GRIP1: variants seen among roughly 807,000 people sequenced by gnomAD.
The protein encoded by GRIP1 is glutamate receptor interacting protein 1.
In GRIP1, 45 loss-of-function variants were observed where a neutral mutation model predicts 129.9. That is an observed-to-expected ratio of 0.35 (90% confidence interval 0.27 to 0.44). GRIP1 has a LOEUF of 0.44. Among genes scored for constraint, GRIP1 ranks in the 20% least tolerant of loss-of-function variants. The pLI is 1.00. For missense variants in GRIP1, 1,196 were observed against 1,396.8 expected (o/e 0.86, Z 2.29); for synonymous variants, 530 against 520.8 (o/e 1.02, Z -0.24).
chr12:66,474,627 C>A (rs953549833), intron 7 of GRIP1, among the ~76,000 whole-genome samples: 1 of 152,206 alleles, frequency 6.6e-6, no homozygotes, highest in African/African-American at 2.4e-5. Context: ...AACAGCTGAT[C>A]TCTTGGCAGA....
intron 5 of GRIP1, among the ~76,000 whole-genome samples, chr12:66,521,666 G>C (rs931435221): frequency 1.1e-4 from 17 of 152,192 alleles, no homozygotes; most frequent in Non-Finnish European, 1.9e-4. Context: ...AGGACAGTGG[G>C]TGCAGCGCAC....
chr12:66,735,358 T>G (rs6421223), intron 1 of GRIP1, among the ~76,000 whole-genome samples: 102,151 of 152,042 alleles, frequency 0.67, 34,692 homozygotes, highest in East Asian at 0.78. Flanking sequence ...GACTGCAAGA[T>G]AAAGAGTAAT....
At chr12:66,718,753 G>A (rs1254594924) in intron 1 of GRIP1, among the ~76,000 whole-genome samples, 1 of 152,178 alleles carries the variant, frequency 6.6e-6, no homozygotes, top group Non-Finnish European at 1.5e-5. Flanking sequence ...TCTGGAGGCT[G>A]AGGCAGGAGA....
In GRIP1 at chr12:66,436,361, A is replaced by G. The variant is rs118043423; in HGVS notation, c.1688-3733T>C. Among the ~76,000 whole-genome samples the G allele has an allele frequency of 9.7e-4, 148 of 152,250 alleles. 1 individual carries two copies. In the East Asian group the frequency reaches 0.025, roughly 26 times the overall value. ...ATGATGGCAAACATTATTTGATAGG[A>G]TTCTCACCGAGACTTCTTTCCAGAA... On this transcript the variant is annotated intron_variant, in intron 13 of 24. Coordinates refer to ENST00000359742, the MANE Select transcript of GRIP1 (RefSeq NM_001366722.1).
At chr12:66,938,328 T>C (rs2041521436) in intron 1 of GRIP1, among the ~76,000 whole-genome samples, 1 of 152,074 alleles carries the variant, frequency 6.6e-6, no homozygotes, top group South Asian at 2.1e-4. Context: ...TGAGACGAGA[T>C]CATGCCACGG....
Position 66,444,696 on chromosome 12 carries a change from C to T in GRIP1, c.1575G>A (p.Met525Ile). The change falls in exon 13 of 25, where the codon ATG becomes ATA. Residue 525 changes from methionine (M) to isoleucine (I), a missense_variant. Around this residue, in one of 5 missense-constraint regions of GRIP1, gnomAD observed 508 missense variants for 587.0 expected, o/e 0.87. Coordinates refer to ENST00000359742, the MANE Select transcript of GRIP1 (RefSeq NM_001366722.1). Reference protein sequence around the residue: ...CGVLQIGDRVMAINGIPTEDS... With the variant: ...CGVLQIGDRVIAINGIPTEDS... ...CTTCTGTTGGAATTCCATTGATGGC[C>T]ATCACTCTGTCTCCAATCTGTAGCA... The T allele has an allele frequency of 6.2e-7, 1 of 1,613,992 alleles. No homozygotes were observed. The highest frequency in any genetic ancestry group is 8.5e-7 in the Non-Finnish European group (1 of 1,179,918).
intron 1 of GRIP1, among the ~76,000 whole-genome samples, chr12:66,911,290 C>G (rs1240085669): frequency 6.6e-6 from 1 of 152,170 alleles, no homozygotes; most frequent in African/African-American, 2.4e-5. Flanking sequence ...GCTTTTAACA[C>G]TTATAACTCT....
chr12:66,980,120 G>A (rs1258645129), intron 1 of GRIP1, among the ~76,000 whole-genome samples: 1 of 152,110 alleles, frequency 6.6e-6, no homozygotes, highest in African/African-American at 2.4e-5. Flanking sequence ...CTGGTACCAC[G>A]CACTAAGTCT....
chr12:66,792,899 T>C (rs2038585851), intron 1 of GRIP1, among the ~76,000 whole-genome samples: 1 of 152,108 alleles, frequency 6.6e-6, no homozygotes, highest in Non-Finnish European at 1.5e-5. Context: ...CAAATAATAT[T>C]CACTAAAAAT....
At chr12:66,847,838 T>A (rs548382327) in intron 1 of GRIP1, among the ~76,000 whole-genome samples, 1 of 152,222 alleles carries the variant, frequency 6.6e-6, no homozygotes, top group Non-Finnish European at 1.5e-5. Context: ...CATTTCAAGA[T>A]GAAATTCTTC....
intron 16 of GRIP1, among the ~76,000 whole-genome samples, chr12:66,404,577 T>C (rs2057122579): frequency 6.6e-6 from 1 of 152,194 alleles, no homozygotes; most frequent in Admixed American, 6.5e-5. Context: ...CTTCAAAATC[T>C]AGAGGCAATT....
chr12:67,049,687 C>G (rs1482044360), intron 1 of GRIP1, among the ~76,000 whole-genome samples: 2 of 150,266 alleles, frequency 1.3e-5, no homozygotes, highest in Non-Finnish European at 3.0e-5. Flanking sequence ...ATGTTACAAA[C>G]CTGCATGTTC....
chr12:66,894,414 T>C (rs2137243767), intron 1 of GRIP1, among the ~76,000 whole-genome samples: 1 of 152,308 alleles, frequency 6.6e-6, no homozygotes, highest in Middle Eastern at 3.4e-3. Context: ...CAGTTGGTTG[T>C]CCTACAACCA....
chr12:66,642,898 G>A (rs1252917178), intron 1 of GRIP1, among the ~76,000 whole-genome samples: 2 of 152,104 alleles, frequency 1.3e-5, no homozygotes, highest in African/African-American at 4.8e-5. Context: ...TGAGAACTCA[G>A]GTTATTACAA....
At chr12:66,841,964 C>A (rs2039725844) in intron 1 of GRIP1, among the ~76,000 whole-genome samples, 1 of 151,930 alleles carries the variant, frequency 6.6e-6, no homozygotes, top group Non-Finnish European at 1.5e-5. Context: ...GCTTCATAAC[C>A]CTGGCTATTT....
chr12:67,003,630 T>C (rs1465646945), intron 1 of GRIP1, among the ~76,000 whole-genome samples: 2 of 151,786 alleles, frequency 1.3e-5, no homozygotes, highest in Non-Finnish European at 2.9e-5. Flanking sequence ...GAGGCGGAGG[T>C]TGCAGTGAGC....
intron 1 of GRIP1, among the ~76,000 whole-genome samples, chr12:66,935,931 A>G (rs1196207638): frequency 6.6e-6 from 1 of 152,216 alleles, no homozygotes; most frequent in Non-Finnish European, 1.5e-5. Flanking sequence ...AAGATAGGTT[A>G]CAGTTCATCC....
rs1411072539 is a variant in GRIP1, at chr12:66,537,840, C to T, written c.418+1238G>A. Among the ~76,000 whole-genome samples, 4 of 152,122 alleles carry T rather than the reference C, an allele frequency of 2.6e-5. No individual in the cohort carries two copies. The East Asian group carries it at 7.7e-4, about 29-fold the overall frequency. ...ACTAAGAAAGTTGGCTTTGCCATTC[C>T]TGTAATGAGATATTGATGGCAAAGG... On this transcript the variant is annotated intron_variant, in intron 4 of 24. Transcript: ENST00000359742.
Position 66,530,963 on chromosome 12 carries a change from G to A in GRIP1, c.419-1049C>T, listed in dbSNP as rs12310113. Among the ~76,000 whole-genome samples the A allele has an allele frequency of 8.1e-3, 1,227 of 151,748 alleles. 11 individuals are homozygous for A. The highest frequency in any genetic ancestry group is 0.027 in the African/African-American group (1,127 of 41,358). ...CAAAAAGTATACAGTCAGGCCAGGC[G>A]CGGTGGCTCACGCCTGTAATCCCAG... On this transcript the variant is annotated intron_variant, in intron 4 of 24. Transcript: ENST00000359742.
Sources: allele counts gnomAD v4.1 joint callset (sites outside exome capture counted in the v4.1 genomes callset), GRCh38; gene constraint gnomAD v4.1.1; regional missense constraint gnomAD v4.1.1; transcripts MANE v1.5; gene names NCBI Gene and HGNC (gene_info 2026-07-23, HGNC 2026-07-21).